The following SCN1A variants were observed in gnomAD, a reference collection of about 807,000 sequenced individuals.
SCN1A encodes sodium channel protein type 1 subunit alpha.
A neutral mutation model predicts 193.7 loss-of-function variants in SCN1A; 13 were observed. The observed-to-expected ratio is 0.07, with a 90% CI of 0.04 to 0.11. The LOEUF (loss-of-function observed/expected upper bound fraction) is 0.11. Among genes scored for constraint, SCN1A ranks in the 10% least tolerant of loss-of-function variants. The pLI is 1.00. For missense variants in SCN1A, 1,432 were observed against 2,451.1 expected (o/e 0.58, Z 8.78); for synonymous variants, 781 against 843.6 (o/e 0.93, Z 1.29).
At chr2:166,042,071 T>C (rs950243831) in intron 15 of SCN1A, among the ~76,000 whole-genome samples, 17 of 152,190 alleles carry the variant, frequency 1.1e-4, no homozygotes, top group Admixed American at 3.3e-4. Flanking sequence ...AAAGAGTTGC[T>C]ACACAGTTAG....
At position 166,120,596 on chromosome 2, in the gene SCN1A, CTTTTTTTTTTTT is replaced by C. The variant is rs57044851; in HGVS notation, c.-142+6316_-142+6327del. ...TAGACTGTTTTCTTTTTTCTTTTCT[CTTTTTTTTTTTT>C]TTTTTTTTTTTTTTTTGAGACAGAG... On this transcript the variant is annotated intron_variant, in intron 2 of 28. Coordinates refer to ENST00000674923, the MANE Select transcript of SCN1A (RefSeq NM_001165963.4). Among the ~76,000 whole-genome samples the C allele has an allele frequency of 2.3e-4, 17 of 72,488 alleles. No homozygotes were observed. The South Asian group carries it at 8.4e-3, about 36-fold the overall frequency. 47.6% of individuals were successfully genotyped at this position (72,488 alleles called of 152,430 possible). A position where few individuals can be genotyped will look rare whatever the true frequency, so the allele number is the denominator to read the frequency against.
chr2:166,005,796 C>G (rs1368732439), intron 23 of SCN1A, among the ~76,000 whole-genome samples: 1 of 151,178 alleles, frequency 6.6e-6, no homozygotes, highest in African/African-American at 2.4e-5. Flanking sequence ...CAGAATTAGT[C>G]TGAATAAATT....
intron 2 of SCN1A, among the ~76,000 whole-genome samples, chr2:166,081,943 G>A (rs1002264182): frequency 8.6e-5 from 13 of 152,004 alleles, no homozygotes; most frequent in South Asian, 6.2e-4. Context: ...AATATAAAGT[G>A]CAGCTCTTAT....
rs1024748507 is a variant in SCN1A at position 166,104,270 on chromosome 2, TAGA to T, written c.-142+22651_-142+22653del. Reference sequence around the variant, plus strand: ...AGAATACAAACAAAGACCCATTTTCTAGAAGAAGTAACAGGGAAGAGAGAGTAA... The same window carrying T: ...AGAATACAAACAAAGACCCATTTTCTAGAAGTAACAGGGAAGAGAGAGTAA... On this transcript the variant is annotated intron_variant, in intron 2 of 28. Coordinates refer to ENST00000674923, the MANE Select transcript of SCN1A (RefSeq NM_001165963.4). The T allele has an allele frequency of 3.0e-4, 45 of 152,334 alleles. 1 individual carries two copies. Among genetic ancestry groups the T allele is most frequent in the East Asian group, 2.3e-3 (12 of 5,192 alleles). 9.4% of individuals were successfully genotyped at this position (152,334 alleles called of 1,614,324 possible).
At chr2:166,020,508 G>C (rs1693909082) in intron 19 of SCN1A, among the ~76,000 whole-genome samples, 1 of 152,114 alleles carries the variant, frequency 6.6e-6, no homozygotes, top group Admixed American at 6.5e-5. Context: ...CAGCTGAATG[G>C]TATGCTTATC....
intron 2 of SCN1A, among the ~76,000 whole-genome samples, chr2:166,107,908 C>T (rs1688865966): frequency 6.6e-6 from 1 of 151,974 alleles, no homozygotes; most frequent in South Asian, 2.1e-4. Flanking sequence ...TTCTTGGCTG[C>T]AACACCAAAT....
chr2:166,132,391 T>C (rs995855105), upstream of SCN1A, among the ~76,000 whole-genome samples: 1 of 149,860 alleles, frequency 6.7e-6, no homozygotes, highest in African/African-American at 2.4e-5. Context: ...TTTTTTTTTC[T>C]TTTGGTAAAT....
chr2:166,009,259 G>A (rs1211177555), intron 23 of SCN1A: 3 of 151,322 alleles, frequency 2.0e-5, no homozygotes, highest in Admixed American at 2.0e-4. Context: ...ACAGACAAAA[G>A]TTTTAACAAC....
At chr2:166,063,483 G>C (rs1001611870) in intron 4 of SCN1A, among the ~76,000 whole-genome samples, 17 of 152,064 alleles carry the variant, frequency 1.1e-4, no homozygotes, top group African/African-American at 4.1e-4. Context: ...TGTATTAACT[G>C]TTTAGTACAA....
chr2:166,062,124 A>C (rs1683374259), intron 4 of SCN1A, among the ~76,000 whole-genome samples: 1 of 152,142 alleles, frequency 6.6e-6, no homozygotes, highest in East Asian at 1.9e-4. Context: ...GCTAACAATA[A>C]GGCCAACATT....
chr2:166,125,693 G>T (rs1691164896), intron 2 of SCN1A, among the ~76,000 whole-genome samples: 1 of 152,032 alleles, frequency 6.6e-6, no homozygotes. Context: ...GTTGCCCCTG[G>T]TATCTCTGGT....
At chr2:166,024,305 A>G (rs930708542) in intron 19 of SCN1A, among the ~76,000 whole-genome samples, 1 of 152,214 alleles carries the variant, frequency 6.6e-6, no homozygotes, top group African/African-American at 2.4e-5. Flanking sequence ...GCAAATAGCT[A>G]TTCCCACCTT....
intron 19 of SCN1A, among the ~76,000 whole-genome samples, chr2:166,018,764 A>G (rs1206230226): frequency 6.6e-6 from 1 of 152,100 alleles, no homozygotes; most frequent in African/African-American, 2.4e-5. Context: ...TTGGCATGCA[A>G]TTGGACATAC....
rs375741559 is a variant in SCN1A, at chr2:166,044,316, A to G, written c.1663-267T>C. Among the ~76,000 whole-genome samples the G allele has an allele frequency of 8.5e-5, 13 of 152,230 alleles. No homozygotes were observed. In the East Asian group the frequency reaches 1.9e-3, roughly 23 times the overall value. ...AACACACACACACACACATACACAC[A>G]CACCCTGAACGACCATTTCTCAAGT... On this transcript the variant is annotated intron_variant, in intron 13 of 28. Transcript: ENST00000674923.
Position 166,036,118 on chromosome 2 carries a change from C to T in SCN1A, c.3359G>A (p.Gly1120Glu), listed in dbSNP as rs1696320007. Residue 1120 changes from glycine to glutamate, a missense_variant, in exon 19 of 29, where the codon GGA becomes GAA. Gly to Glu is a moderately conservative substitution (Grantham distance 98). This residue lies in a region of SCN1A where 198 missense variants were observed against 225.8 expected (regional missense o/e 0.88). Coordinates refer to ENST00000674923, the MANE Select transcript of SCN1A (RefSeq NM_001165963.4). ...GTTTAAATTTTCAAAGTCAGATTCT[C>T]CTACAGCAATTGGTACAGTCACAGT... is the stretch of plus-strand genomic sequence containing the variant. ...SLTVTVPIAV[G>E]ESDFENLNTE... 3 of 1,613,820 alleles carry T rather than the reference C, an allele frequency of 1.9e-6. No individual in the cohort carries two copies. The highest frequency in any genetic ancestry group is 2.5e-6 in the Non-Finnish European group (3 of 1,179,922).
chr2:166,011,724 C>T (rs894742489), intron 22 of SCN1A, among the ~76,000 whole-genome samples: 5 of 151,046 alleles, frequency 3.3e-5, no homozygotes, highest in African/African-American at 7.3e-5. Flanking sequence ...GGCCAAGAAA[C>T]TAACTCAGTG....
intron 2 of SCN1A, among the ~76,000 whole-genome samples, chr2:166,123,223 C>CAAAAAAAAAAAAAAAA (rs57488795): frequency 5.2e-5 from 6 of 116,402 alleles, no homozygotes; most frequent in Non-Finnish European, 8.6e-5. Flanking sequence ...CATTCATTTG[C>CAAAAAAAAAAAAAAAA]AAAAAAAAAA....
chr2:166,020,071 C>T lies in SCN1A; in HGVS notation c.3430-4344G>A, dbSNP rs565614203. 5.7e-4 allele frequency among the ~76,000 whole-genome samples: 86 copies of T among 152,096 alleles called. No homozygotes were observed. In the South Asian group the frequency reaches 6.0e-3, roughly 11 times the overall value. On this transcript the variant is annotated intron_variant, in intron 19 of 28. Coordinates refer to ENST00000674923, the MANE Select transcript of SCN1A (RefSeq NM_001165963.4). ...GACTACAGGCGCCCGCCACCATGCC[C>T]GGCTAATTTTTTGTATTTTTAGTAG...
intron 2 of SCN1A, among the ~76,000 whole-genome samples, chr2:166,090,682 AC>A (rs1026991393): frequency 2.0e-5 from 3 of 151,298 alleles, no homozygotes; most frequent in South Asian, 2.1e-4. Context: ...CAAACTTTAA[AC>A]CCCCTTTTCA....
Sources: gnomAD v4.1 joint callset for allele counts (sites outside exome capture counted in the v4.1 genomes callset) on GRCh38, gnomAD v4.1.1 for gene constraint, gnomAD v4.1.1 regional missense constraint, MANE v1.5 for transcripts, NCBI Gene and HGNC (gene_info 2026-07-23, HGNC 2026-07-21) for gene names.